The following MDGA2 variants were observed in gnomAD, a reference collection of about 807,000 sequenced individuals.
MDGA2 encodes the protein MAM domain containing glycosylphosphatidylinositol anchor 2.
MDGA2 carries 40 observed loss-of-function variants against 117.8 expected under a neutral mutation model. The observed-to-expected ratio is 0.34, with a 90% confidence interval of 0.26 to 0.44. MDGA2 has a LOEUF of 0.44. MDGA2 is among the 20% of genes least tolerant of loss of function. The pLI is 1.00. For synonymous variants in MDGA2, 452 were observed against 439.0 expected (o/e 1.03, Z -0.37); for missense variants, 1,123 against 1,250.6 (o/e 0.90, Z 1.54).
At chr14:47,247,113 T>G (rs1227702395) in intron 2 of MDGA2, among the ~76,000 whole-genome samples, 1 of 151,810 alleles carries the variant, frequency 6.6e-6, no homozygotes, top group East Asian at 1.9e-4. Context: ...CAGTGTCTTT[T>G]GGTCTCAGGA....
intron 1 of MDGA2, among the ~76,000 whole-genome samples, chr14:47,649,404 T>C (rs891724845): frequency 6.6e-6 from 1 of 152,200 alleles, no homozygotes; most frequent in African/African-American, 2.4e-5. Context: ...GGCAAACAAG[T>C]CATAGTAGTT....
At chr14:47,193,732 A>G (rs562131266) in intron 3 of MDGA2, among the ~76,000 whole-genome samples, 1 of 152,298 alleles carries the variant, frequency 6.6e-6, no homozygotes, top group African/African-American at 2.4e-5. Context: ...GCACACCTAG[A>G]GCTCAGAGAA....
chr14:47,540,563 T>TATATATACATATACATACAC (rs370481455), intron 1 of MDGA2, among the ~76,000 whole-genome samples: 14 of 112,544 alleles, frequency 1.2e-4, no homozygotes, highest in African/African-American at 4.1e-4. Context: ...TGTATATATA[T>TATATATACATATACATACAC]ACACACACAC....
chr14:47,490,729 A>G (rs996237473), intron 1 of MDGA2, among the ~76,000 whole-genome samples: 9 of 152,190 alleles, frequency 5.9e-5, no homozygotes, highest in African/African-American at 2.2e-4. Context: ...ATCTAAAAAC[A>G]TAAGTGATAA....
intron 2 of MDGA2, among the ~76,000 whole-genome samples, chr14:47,276,764 T>C (rs1249052182): frequency 6.6e-6 from 1 of 152,220 alleles, no homozygotes; most frequent in Non-Finnish European, 1.5e-5. Flanking sequence ...TGGTCTGAAG[T>C]ACACATCTTT....
At chr14:47,347,558 G>A (rs1392691455) in intron 1 of MDGA2, among the ~76,000 whole-genome samples, 1 of 152,164 alleles carries the variant, frequency 6.6e-6, no homozygotes, top group Non-Finnish European at 1.5e-5. Context: ...GTCATTCACT[G>A]TGCTAGAGAA....
At chr14:46,868,827 T>A (rs1195890239) in intron 14 of MDGA2, among the ~76,000 whole-genome samples, 3 of 152,026 alleles carry the variant, frequency 2.0e-5, no homozygotes, top group Non-Finnish European at 4.4e-5. Context: ...TACCTCTGTA[T>A]CTGTTTTGCA....
At chr14:47,256,069 G>A (rs1200303285) in intron 2 of MDGA2, among the ~76,000 whole-genome samples, 2 of 151,242 alleles carry the variant, frequency 1.3e-5, no homozygotes, top group Non-Finnish European at 2.9e-5. Context: ...TTATTTTAAT[G>A]GGCCTTTTTT....
intron 1 of MDGA2, among the ~76,000 whole-genome samples, chr14:47,595,449 G>T (rs954976352): frequency 6.7e-6 from 1 of 150,308 alleles, no homozygotes; most frequent in Non-Finnish European, 1.5e-5. Flanking sequence ...CACGAGAATC[G>T]CTTGAACCTG....
At chr14:47,020,046 G>A (rs1888231246) in intron 8 of MDGA2, among the ~76,000 whole-genome samples, 1 of 152,080 alleles carries the variant, frequency 6.6e-6, no homozygotes, top group Non-Finnish European at 1.5e-5. Flanking sequence ...GACATATTGT[G>A]CACAACTTTA....
chr14:47,534,508 TAGC>T, intron 1 of MDGA2, among the ~76,000 whole-genome samples: 1 of 152,256 alleles, frequency 6.6e-6, no homozygotes, highest in South Asian at 2.1e-4. Flanking sequence ...ATGTCTTACA[TAGC>T]AGCAAGTGAG....
rs569822068 is a variant in MDGA2, at chr14:47,215,032, G to T, written c.595+2989C>A. 4.6e-5 allele frequency among the ~76,000 whole-genome samples: 7 copies of T among 152,164 alleles called. No individual in the cohort carries two copies. In the East Asian group the frequency reaches 5.8e-4, roughly 13 times the overall value. On this transcript the variant is annotated intron_variant, in intron 3 of 16. Transcript: ENST00000399232. ...TGTTGTAAAAATAGTTTTTACTGCTGATTTTGCATGAGTGTATTTTGTTTT... is the reference window on the plus strand; with the variant it reads ...TGTTGTAAAAATAGTTTTTACTGCTTATTTTGCATGAGTGTATTTTGTTTT...
intron 8 of MDGA2, chr14:46,960,460 C>T (rs1401536897): frequency 6.6e-6 from 1 of 151,926 alleles, no homozygotes; most frequent in Admixed American, 6.6e-5. Context: ...AAACCAAGAG[C>T]TCTTAATGCT....
At chr14:47,307,223 T>C (rs1216683105) in intron 1 of MDGA2, among the ~76,000 whole-genome samples, 1 of 152,164 alleles carries the variant, frequency 6.6e-6, no homozygotes, top group East Asian at 1.9e-4. Context: ...TTTAATATAT[T>C]ACATGAGATC....
intron 1 of MDGA2, among the ~76,000 whole-genome samples, chr14:47,405,382 G>C (rs1163044473): frequency 2.6e-5 from 4 of 152,030 alleles, no homozygotes; most frequent in Admixed American, 2.6e-4. Flanking sequence ...ATTCCACAAA[G>C]TCTTCAGCCA....
chr14:47,528,418 A>C (rs146576522), intron 1 of MDGA2, among the ~76,000 whole-genome samples: 233 of 152,364 alleles, frequency 1.5e-3, no homozygotes, highest in African/African-American at 5.5e-3. Context: ...GTCATCATAC[A>C]TATTGATAAG....
intron 1 of MDGA2, among the ~76,000 whole-genome samples, chr14:47,456,059 AGTGAGAATGGGCT>A (rs2138581099): frequency 6.6e-6 from 1 of 152,034 alleles, no homozygotes; most frequent in Non-Finnish European, 1.5e-5. Context: ...AAAGAACATG[AGTGAGAATGGGCT>A]GTGAAAAAAA....
chr14:47,655,793 G>C (rs957323414), intron 1 of MDGA2, among the ~76,000 whole-genome samples: 3 of 152,140 alleles, frequency 2.0e-5, no homozygotes, highest in Admixed American at 1.3e-4. Context: ...CAGTGCCACA[G>C]AAGGATGCTG....
chr14:47,582,598 T>C (rs929905778), intron 1 of MDGA2, among the ~76,000 whole-genome samples: 3 of 151,912 alleles, frequency 2.0e-5, no homozygotes, highest in Middle Eastern at 6.3e-3. Flanking sequence ...GCACTGATTC[T>C]AGAGCAAACA....
Sources: allele counts gnomAD v4.1 joint callset (sites outside exome capture counted in the v4.1 genomes callset), GRCh38; gene constraint gnomAD v4.1.1; transcripts MANE v1.5; gene names NCBI Gene and HGNC (gene_info 2026-07-23, HGNC 2026-07-21).